Variants in CFAP161 observed in about 807,000 individuals in gnomAD.
The protein encoded by CFAP161 is cilia- and flagella-associated protein 161.
CFAP161 carries 25 observed loss-of-function variants against 29.0 expected under a neutral mutation model. The observed-to-expected ratio is 0.86, with a 90% confidence interval of 0.63 to 1.20. CFAP161 has a LOEUF of 1.20. Ranked by LOEUF, CFAP161 falls within the 50% of genes most tolerant of loss-of-function variation. CFAP161 has a pLI of 0.00. For synonymous variants in CFAP161, 116 were observed against 137.4 expected (o/e 0.84, Z 1.09); for missense variants, 367 against 371.9 (o/e 0.99, Z 0.11).
At chr15:81,116,732 C>T (rs539497630) in intron 1 of CFAP161, among the ~76,000 whole-genome samples, 7 of 152,142 alleles carry the variant, frequency 4.6e-5, no homozygotes, top group African/African-American at 7.2e-5. Context: ...ATTCATACAC[C>T]GAGCATGAGG....
chr15:81,124,354 G>A lies in CFAP161; in HGVS notation c.-141-3236G>A, dbSNP rs544234153. Among the ~76,000 whole-genome samples, 12 of 152,306 alleles carry A rather than the reference G, an allele frequency of 7.9e-5. No individual in the cohort carries two copies. In the East Asian group the frequency reaches 1.7e-3, roughly 22 times the overall value. On this transcript the variant is annotated intron_variant, in intron 1 of 4. Transcript: ENST00000560091. ...TGTTGAACCAACATTACATCCTGGG[G>A]ATGAAGCCTATTTGATCATGGTAGA... is the stretch of plus-strand genomic sequence containing the variant.
intron 1 of CFAP161, among the ~76,000 whole-genome samples, chr15:81,105,183 T>TCCCTCCCTCCC (rs1894354561): frequency 3.2e-5 from 2 of 62,878 alleles, no homozygotes; most frequent in Non-Finnish European, 6.2e-5. Flanking sequence ...CTCCCTTCCT[T>TCCCTCCCTCCC]TTTTCCTCCC....
intron 1 of CFAP161, among the ~76,000 whole-genome samples, chr15:81,101,037 G>A (rs1285993747): frequency 6.6e-6 from 1 of 152,124 alleles, no homozygotes; most frequent in Non-Finnish European, 1.5e-5. Context: ...TTTTGTTTTT[G>A]ATAATGCTGC....
At chr15:81,120,900 G>A (rs547580491) in intron 1 of CFAP161, among the ~76,000 whole-genome samples, 2 of 152,194 alleles carry the variant, frequency 1.3e-5, no homozygotes, top group African/African-American at 4.8e-5. Context: ...GAAACTGTCT[G>A]TAGTTTAGAA....
At chr15:81,132,740 TA>T (rs1462938281), upstream of CFAP161, among the ~76,000 whole-genome samples, 2 of 152,222 alleles carry the variant, frequency 1.3e-5, no homozygotes, top group African/African-American at 4.8e-5. Context: ...TGCTTTGTTT[TA>T]TTCTTGATTT....
upstream of CFAP161, among the ~76,000 whole-genome samples, chr15:81,131,475 C>G (rs1894710717): frequency 6.6e-6 from 1 of 151,972 alleles, no homozygotes; most frequent in African/African-American, 2.4e-5. Flanking sequence ...TATAAAATAT[C>G]AATAGAGAGA....
chr15:81,134,717 A>G (rs1894778285), intron 1 of CFAP161, among the ~76,000 whole-genome samples: 1 of 152,098 alleles, frequency 6.6e-6, no homozygotes, highest in African/African-American at 2.4e-5. Flanking sequence ...AGTCCCCCGT[A>G]TTCCTTAGAG....
upstream of CFAP161, among the ~76,000 whole-genome samples, chr15:81,133,747 C>G (rs114948372): frequency 0.01 from 1,595 of 152,250 alleles, 25 homozygotes; most frequent in African/African-American, 0.037. Flanking sequence ...TGGACAACCT[C>G]AGAAACCTAT....
chr15:81,112,530 T>C (rs181874218), intron 1 of CFAP161, among the ~76,000 whole-genome samples: 7 of 152,242 alleles, frequency 4.6e-5, no homozygotes, highest in Admixed American at 2.0e-4. Context: ...AATAAAACTA[T>C]ATAAAAAGAA....
At chr15:81,117,011 C>A (rs1001199958) in intron 1 of CFAP161, among the ~76,000 whole-genome samples, 1 of 152,018 alleles carries the variant, frequency 6.6e-6, no homozygotes, top group Admixed American at 6.6e-5. Flanking sequence ...CCTTTTGGGG[C>A]TAGGAATCCA....
rs193123219 is a variant in CFAP161 at position 81,102,812 on chromosome 15, G to T, written c.-141-24778G>T. On this transcript the variant is annotated intron_variant, in intron 1 of 4. Coordinates refer to the CFAP161 transcript ENST00000560091. ...TCAAGCCCCAGGACTCACATGCCAGGACAGATGATAGGACAAGAAATGTAG... is the reference window on the plus strand; with the variant it reads ...TCAAGCCCCAGGACTCACATGCCAGTACAGATGATAGGACAAGAAATGTAG... 2.4e-3 allele frequency among the ~76,000 whole-genome samples: 366 copies of T among 152,364 alleles called. 2 individuals carry two copies. The highest frequency in any genetic ancestry group is 3.5e-3 in the Non-Finnish European group (241 of 68,042).
chr15:81,114,830 A>AT (rs1025614182), intron 1 of CFAP161, among the ~76,000 whole-genome samples: 9 of 152,040 alleles, frequency 5.9e-5, no homozygotes, highest in African/African-American at 1.9e-4. Context: ...CGCCCAGCTA[A>AT]TTTTTTGTAT....
intron 1 of CFAP161, among the ~76,000 whole-genome samples, chr15:81,116,572 C>T (rs1366788398): frequency 6.6e-6 from 1 of 152,250 alleles, no homozygotes. Context: ...GCTGGGATTA[C>T]AGGCTTGAGT....
chr15:81,112,068 C>T (rs1192435591), intron 1 of CFAP161, among the ~76,000 whole-genome samples: 6 of 152,122 alleles, frequency 3.9e-5, no homozygotes, highest in Admixed American at 2.0e-4. Flanking sequence ...TAACATATTG[C>T]AGATTATTTT....
At chr15:81,121,117 A>G (rs995680186) in intron 1 of CFAP161, among the ~76,000 whole-genome samples, 1 of 152,160 alleles carries the variant, frequency 6.6e-6, no homozygotes. Context: ...ATTTGATCAC[A>G]CAAACAATTC....
intron 2 of CFAP161, among the ~76,000 whole-genome samples, chr15:81,136,280 A>G (rs1008753082): frequency 1.3e-5 from 2 of 152,252 alleles, no homozygotes; most frequent in Non-Finnish European, 2.9e-5. Context: ...TTGAATTTCT[A>G]GGATAATGAG....
chr15:81,102,855 C>T (rs1427484284), intron 1 of CFAP161, among the ~76,000 whole-genome samples: 4 of 152,046 alleles, frequency 2.6e-5, no homozygotes, highest in Non-Finnish European at 4.4e-5. Flanking sequence ...TGGATCATTA[C>T]GTTGGGTATT....
At chr15:81,133,211 A>G (rs1210317259), upstream of CFAP161, among the ~76,000 whole-genome samples, 263 of 42,430 alleles carry the variant, frequency 6.2e-3, 15 homozygotes, top group African/African-American at 0.024. Context: ...ATATATATAT[A>G]TATATATATA....
chr15:81,128,772 A>G (rs1391758141), intron 2 of CFAP161, among the ~76,000 whole-genome samples: 1 of 152,138 alleles, frequency 6.6e-6, no homozygotes, highest in East Asian at 1.9e-4. Flanking sequence ...ACCCAGATTC[A>G]TCAGAGAAAT....
Sources: gnomAD v4.1 joint callset for allele counts (sites outside exome capture counted in the v4.1 genomes callset) on GRCh38, gnomAD v4.1.1 for gene constraint, MANE v1.5 for transcripts, NCBI Gene and HGNC (gene_info 2026-07-23, HGNC 2026-07-21) for gene names.